Variants in GALNT15 observed in about 807,000 individuals in gnomAD.
GALNT15 encodes the protein polypeptide N-acetylgalactosaminyltransferase 15, also known as UDP-GalNAc transferase T15.
A neutral mutation model predicts 66.8 loss-of-function variants in GALNT15; 67 were observed. That is an observed-to-expected ratio of 1.00 (90% CI 0.82 to 1.23). The LOEUF (loss-of-function observed/expected upper bound fraction) is 1.23. Among genes scored for constraint, GALNT15 ranks in the 50% most tolerant of loss-of-function variants. The pLI is 0.00. For synonymous variants in GALNT15, 313 were observed against 311.5 expected (o/e 1.00, Z -0.05); for missense variants, 827 against 804.3 (o/e 1.03, Z -0.34).
At chr3:16,234,923 CTTTTTTT>C (rs1203363973), downstream of GALNT15, among the ~76,000 whole-genome samples, 56 of 131,136 alleles carry the variant, frequency 4.3e-4, no homozygotes, top group Middle Eastern at 3.9e-3. Flanking sequence ...TTATCCCAAT[CTTTTTTT>C]TTTTTTTTTT....
At chr3:16,232,504 A>ATT (rs1250974386), downstream of GALNT15, among the ~76,000 whole-genome samples, 9 of 88,266 alleles carry the variant, frequency 1.0e-4, 1 homozygote, top group African/African-American at 4.5e-4. Flanking sequence ...ATATATATAT[A>ATT]TATATATTTA....
chr3:16,232,212 A>G (rs80022280), downstream of GALNT15, among the ~76,000 whole-genome samples: 2,099 of 151,976 alleles, frequency 0.014, 50 homozygotes, highest in African/African-American at 0.049. Flanking sequence ...GCCAATCAGC[A>G]CATTCCTCAG....
chr3:16,224,919 G>A lies in GALNT15; in HGVS notation c.1773+2161G>A, dbSNP rs1575000288. 6.6e-6 allele frequency among the ~76,000 whole-genome samples: 1 copy of A among 152,208 alleles called. No individual in the cohort carries two copies. Among genetic ancestry groups the A allele is most frequent in the East Asian group, 1.9e-4 (1 of 5,178 alleles). ...CCCAAAGTGCTGGGATTACAAGTGT[G>A]AGCCACCACACCAGGCCTATTAGGC... On this transcript the variant is annotated intron_variant, in intron 9 of 9. Coordinates refer to ENST00000339732, the MANE Select transcript of GALNT15 (RefSeq NM_054110.5). This position sits in a 1 kb window ranked among gnomAD's most constrained non-coding sequence, Gnocchi z 5.2.
chr3:16,183,843 A>G lies in GALNT15; in HGVS notation c.539+8153A>G, dbSNP rs1212085331. 6.6e-6 allele frequency among the ~76,000 whole-genome samples: 1 copy of G among 151,856 alleles called. No homozygotes were observed. The highest frequency in any genetic ancestry group is 1.5e-5 in the Non-Finnish European group (1 of 67,918). On this transcript the variant is annotated intron_variant, in intron 1 of 9. Coordinates refer to ENST00000339732, the MANE Select transcript of GALNT15 (RefSeq NM_054110.5). This position sits in a 1 kb window ranked among gnomAD's most constrained non-coding sequence, Gnocchi z 5.2. Reference sequence around the variant, plus strand: ...GCCATCTGGTGCAATGCTGTGACTCATTCTCTTCAGAGCCATCATCCAAAT... The same window carrying G: ...GCCATCTGGTGCAATGCTGTGACTCGTTCTCTTCAGAGCCATCATCCAAAT...
At chr3:16,216,757 G>T (rs13314852) in intron 6 of GALNT15, among the ~76,000 whole-genome samples, 13,376 of 152,190 alleles carry the variant, frequency 0.088, 1,397 homozygotes, top group African/African-American at 0.25. Flanking sequence ...TTTTTCGCAT[G>T]CTCACGTGAG....
chr3:16,179,762 G>A (rs1240648592), intron 1 of GALNT15, among the ~76,000 whole-genome samples: 2 of 152,200 alleles, frequency 1.3e-5, no homozygotes, highest in Non-Finnish European at 2.9e-5. Flanking sequence ...TGGTTGTGCT[G>A]TGGGAAAGGG....
rs2064030561 is a variant in GALNT15, at chr3:16,227,280, T to C, written c.1774-74T>C. The C allele has an allele frequency of 6.1e-6, 9 of 1,481,466 alleles. No homozygotes were observed. In the South Asian group the frequency reaches 6.4e-5, roughly 11 times the overall value. 91.8% of individuals were successfully genotyped at this position (1,481,466 alleles called of 1,614,324 possible). On this transcript the variant is annotated intron_variant, in intron 9 of 9. Transcript: ENST00000339732. This position sits in a 1 kb window ranked among gnomAD's most constrained non-coding sequence, Gnocchi z 4.5. ...TTATTCTCTTAATGATTAGCACAAA[T>C]CTTAAAAATATTTTCTTTTGCTGAC...
downstream of GALNT15, among the ~76,000 whole-genome samples, chr3:16,233,092 A>ATTTTTTTTTTTTTTTTTTTT (rs771943641): frequency 1.2e-4 from 6 of 48,074 alleles, no homozygotes; most frequent in Admixed American, 2.1e-4. Flanking sequence ...AGGATAATGC[A>ATTTTTTTTTTTTTTTTTTTT]TCTTTTTTTT....
chr3:16,236,131 A>AAAAAAAAAAAAAAAG (rs869163721), downstream of GALNT15, among the ~76,000 whole-genome samples: 1 of 147,398 alleles, frequency 6.8e-6, no homozygotes, highest in South Asian at 2.1e-4. Context: ...AAAAAAAAAA[A>AAAAAAAAAAAAAAAG]GGACTGGGCA....
At chr3:16,237,441 C>T in the GALNT15 span, among the ~76,000 whole-genome samples, 1 of 152,198 alleles carries the variant, frequency 6.6e-6, no homozygotes, top group Non-Finnish European at 1.5e-5. This position sits in a 1 kb window ranked among gnomAD's most constrained non-coding sequence, Gnocchi z 4.2. Context: ...GCCTGAGGCA[C>T]CTCACCCTCC....
At position 16,211,268 on chromosome 3, in the gene GALNT15, A is replaced by G. The variant is rs2063812061; in HGVS notation, c.1197+27A>G. On this transcript the variant is annotated intron_variant, in intron 5 of 9. Transcript: ENST00000339732. The surrounding 1 kb of genome is among the most constrained non-coding windows in gnomAD (Gnocchi z 4.3). ...TATGTCCTGGACCAAGGGAGGACAG[A>G]GGTGGGATCTCTGGAGTGGTGTGTA... The G allele has an allele frequency of 1.4e-6, 2 of 1,448,940 alleles. No individual in the cohort carries two copies. The highest frequency in any genetic ancestry group is 4.5e-5 in the East Asian group (2 of 44,090). 89.8% of individuals were successfully genotyped at this position (1,448,940 alleles called of 1,614,324 possible).
Position 16,227,898 on chromosome 3 carries a change from T to G in GALNT15, c.*398T>G. 3.0e-6 allele frequency: 3 copies of G among 1,007,878 alleles called. No individual in the cohort carries two copies. Among genetic ancestry groups the G allele is most frequent in the Non-Finnish European group, 3.6e-6 (3 of 845,018 alleles). The allele number at this position is 1,007,878 out of a possible 1,614,324, so 62.4% of individuals were successfully genotyped here. On this transcript the variant is annotated 3_prime_UTR_variant, in exon 10 of 10. Transcript: ENST00000339732. The surrounding 1 kb of genome is among the most constrained non-coding windows in gnomAD (Gnocchi z 4.5). ...GTCTTCAAATGGCCTTAACTTGGAT[T>G]GTCTGTTTGGCCAACCATGAAAATT...
At chr3:16,241,557 T>G in the GALNT15 span, among the ~76,000 whole-genome samples, 3 of 152,134 alleles carry the variant, frequency 2.0e-5, no homozygotes, top group Non-Finnish European at 4.4e-5. This position sits in a 1 kb window ranked among gnomAD's most constrained non-coding sequence, Gnocchi z 4.6. Context: ...TTTTTCTTTT[T>G]TTTCTTTTTG....
At position 16,220,005 on chromosome 3, in the gene GALNT15, G is replaced by A; in HGVS notation, c.1620G>A (p.Arg540=). ...TGTTGGCTCCTTGCAGTGACAGCCG[G>A]CAGCAACAGGTGGGTAGTCAGACTT... The part of the protein sequence containing the change: ...PMVLAPCSDS[R]QQQYLQHTSR... Residue 540 remains arginine (R), a synonymous_variant, in exon 8 of 10, where the codon CGG becomes CGA. Coordinates refer to ENST00000339732, the MANE Select transcript of GALNT15 (RefSeq NM_054110.5). 2 of 1,613,512 alleles carry A rather than the reference G, an allele frequency of 1.2e-6. No individual in the cohort carries two copies. Among genetic ancestry groups the A allele is most frequent in the Non-Finnish European group, 1.7e-6 (2 of 1,179,400 alleles).
intron 6 of GALNT15, among the ~76,000 whole-genome samples, chr3:16,217,989 C>T (rs1037000207): frequency 6.6e-6 from 1 of 152,126 alleles, no homozygotes; most frequent in African/African-American, 2.4e-5. Context: ...AAGTTTTTCT[C>T]AAACTTTGTG....
In GALNT15 at chr3:16,184,502, C is replaced by T. The variant is rs1414904995; in HGVS notation, c.539+8812C>T. ...GTCATTCATTCCCCACCTGCACTCT[C>T]TCTCTGGGCTGTGTCCTACCCACCC... On this transcript the variant is annotated intron_variant, in intron 1 of 9. Transcript: ENST00000339732. The surrounding 1 kb of genome is among the most constrained non-coding windows in gnomAD (Gnocchi z 5.0). Among the ~76,000 whole-genome samples, 1 of 152,226 alleles carries T rather than the reference C, an allele frequency of 6.6e-6. No individual in the cohort carries two copies. The highest frequency in any genetic ancestry group is 2.4e-5 in the African/African-American group (1 of 41,466).
At chr3:16,240,485 T>C in the GALNT15 span, among the ~76,000 whole-genome samples, 2 of 152,168 alleles carry the variant, frequency 1.3e-5, no homozygotes, top group Non-Finnish European at 2.9e-5. Context: ...AAGGCAGAGA[T>C]ATTTCAAAAA....
At chr3:16,212,865 A>T (rs749555408) in intron 6 of GALNT15, 102 bp downstream of exon 6, 48 of 1,057,796 alleles carry the variant, frequency 4.5e-5, no homozygotes, top group Non-Finnish European at 6.4e-5. Flanking sequence ...GGAAAACAGA[A>T]GATTCTGGCT....
rs1055119215 is a variant in GALNT15, at chr3:16,189,971, G to A, written c.540-5789G>A. 6.6e-6 allele frequency among the ~76,000 whole-genome samples: 1 copy of A among 152,152 alleles called. No homozygotes were observed. Among genetic ancestry groups the A allele is most frequent in the African/African-American group, 2.4e-5 (1 of 41,428 alleles). On this transcript the variant is annotated intron_variant, in intron 1 of 9. Coordinates refer to ENST00000339732, the MANE Select transcript of GALNT15 (RefSeq NM_054110.5). This position sits in a 1 kb window ranked among gnomAD's most constrained non-coding sequence, Gnocchi z 5.1. ...GCCCAGGTCACATAAGGACAGACTG[G>A]GATTTGAACCCAATGCCAAAACTTC... is the stretch of plus-strand genomic sequence containing the variant.
Sources: gnomAD v4.1 joint callset for allele counts (sites outside exome capture counted in the v4.1 genomes callset) on GRCh38, gnomAD v4.1.1 for gene constraint, Gnocchi (gnomAD v3.1) non-coding constraint, MANE v1.5 for transcripts, NCBI Gene and HGNC (gene_info 2026-07-23, HGNC 2026-07-21) for gene names.